IL2RB: variants seen among roughly 807,000 people sequenced by gnomAD.
IL2RB encodes interleukin-2 receptor subunit beta.
In IL2RB, 17 loss-of-function variants were observed where a neutral mutation model predicts 44.2. That is an observed-to-expected ratio of 0.38 (90% CI 0.26 to 0.58). IL2RB has a LOEUF of 0.58. IL2RB is among the 20% of genes least tolerant of loss of function. The pLI, the probability that IL2RB is intolerant of heterozygous loss-of-function variation, is 0.63. For missense variants in IL2RB, 624 were observed against 685.5 expected (o/e 0.91, Z 1.00); for synonymous variants, 286 against 297.9 (o/e 0.96, Z 0.41).
rs148216537 is a variant in IL2RB, at chr22:37,170,817, A to G, written c.-34+4141T>C. 2.7e-3 allele frequency among the ~76,000 whole-genome samples: 412 copies of G among 152,332 alleles called. 2 individuals carry two copies. The highest frequency in any genetic ancestry group is 9.5e-3 in the African/African-American group (395 of 41,562). ...TCTCCAAAGAGATGAAGCAATCTCA[A>G]AGATAAACATGAAGCAAATCCAAAG... On this transcript the variant is annotated intron_variant, in intron 1 of 5. Coordinates refer to the IL2RB transcript ENST00000429622.
chr22:37,165,378 C>T (rs1923031730), intron 1 of IL2RB, among the ~76,000 whole-genome samples: 1 of 152,202 alleles, frequency 6.6e-6, no homozygotes, highest in South Asian at 2.1e-4. Context: ...CGTGGCCTCT[C>T]CAGGGAGAGT....
At chr22:37,133,476 A>C (rs1921530248) in intron 8 of IL2RB, among the ~76,000 whole-genome samples, 1 of 152,214 alleles carries the variant, frequency 6.6e-6, no homozygotes, top group African/African-American at 2.4e-5. Flanking sequence ...TCCTGGCATC[A>C]GTTAAAAGGC....
chr22:37,129,797 G>C (rs1921331123), intron 9 of IL2RB, among the ~76,000 whole-genome samples: 1 of 152,210 alleles, frequency 6.6e-6, no homozygotes, highest in South Asian at 2.1e-4. Context: ...TGTGGCAGGG[G>C]CCTCGGGTGG....
chr22:37,141,978 G>A lies in IL2RB; in HGVS notation c.282+456C>T, dbSNP rs1467775031. On this transcript the variant is annotated intron_variant, in intron 4 of 9. Coordinates refer to ENST00000216223, the MANE Select transcript of IL2RB (RefSeq NM_000878.5). The surrounding 1 kb of genome is among the most constrained non-coding windows in gnomAD (Gnocchi z 4.4). Reference sequence around the variant, plus strand: ...CCCATTTTACAGAAGGGGAGACTGGGGCACAGGGGTTGCCCAATGTCACCC... The same window carrying A: ...CCCATTTTACAGAAGGGGAGACTGGAGCACAGGGGTTGCCCAATGTCACCC... 1.3e-5 allele frequency among the ~76,000 whole-genome samples: 2 copies of A among 152,120 alleles called. No homozygotes were observed. The highest frequency in any genetic ancestry group is 2.9e-5 in the Non-Finnish European group (2 of 68,000).
At chr22:37,161,302 G>A (rs1034203266) in intron 1 of IL2RB, among the ~76,000 whole-genome samples, 13 of 152,198 alleles carry the variant, frequency 8.5e-5, no homozygotes, top group Admixed American at 2.6e-4. Context: ...ATTGACAAAG[G>A]GACCCTCTGC....
rs1395758647 is a variant in IL2RB, at chr22:37,128,797, C to T, written c.955G>A (p.Ala319Thr). Residue 319 changes from alanine to threonine, a missense_variant, in exon 10 of 10, where the codon GCA (alanine) becomes ACA (threonine). By Grantham distance (58) the Ala-to-Thr change is moderately conservative. Coordinates refer to ENST00000216223, the MANE Select transcript of IL2RB (RefSeq NM_000878.5). This position sits in a 1 kb window ranked among gnomAD's most constrained non-coding sequence, Gnocchi z 4.5. ...ACTTCTAGTGGCGAGATCTCAGGTG[C>T]CAGGCCGCCAGGGCTGAAGGACGAT... ...PSSSFSPGGL[A>T]PEISPLEVLE... 1.2e-6 allele frequency: 2 copies of T among 1,612,950 alleles called. No individual in the cohort carries two copies. The highest frequency in any genetic ancestry group is 1.7e-6 in the Non-Finnish European group (2 of 1,179,074).
At position 37,128,643 on chromosome 22, in the gene IL2RB, G is replaced by T. The variant is rs148074427; in HGVS notation, c.1109C>A (p.Pro370Gln). ...GCAGGCCTCTATCTCCAAGGCATCC[G>T]GGAGGTGGAAGAAGAAGTAACCCTG... ...TNQGYFFFHLPDALEIEACQV... is the reference protein window; with the variant it reads ...TNQGYFFFHLQDALEIEACQV... The change falls in exon 10 of 10, where the codon CCG becomes CAG. Residue 370 changes from proline to glutamine, a missense_variant. Pro to Gln is a moderately conservative substitution (Grantham distance 76). Coordinates refer to ENST00000216223, the MANE Select transcript of IL2RB (RefSeq NM_000878.5). This position sits in a 1 kb window ranked among gnomAD's most constrained non-coding sequence, Gnocchi z 4.5. 1.9e-6 allele frequency: 3 copies of T among 1,614,000 alleles called. No homozygotes were observed. The highest frequency in any genetic ancestry group is 1.7e-5 in the Admixed American group (1 of 60,002).
rs1921090000 is a variant in IL2RB, at chr22:37,125,938, T to C, written c.*2158A>G. The C allele has an allele frequency of 6.6e-6, 1 of 152,240 alleles. No homozygotes were observed. Among genetic ancestry groups the C allele is most frequent in the African/African-American group, 2.4e-5 (1 of 41,460 alleles). 9.4% of individuals were successfully genotyped at this position (152,240 alleles called of 1,614,324 possible). On this transcript the variant is annotated 3_prime_UTR_variant, in exon 10 of 10. Transcript: ENST00000216223. ...ACAAAGATTTTTCTTTAAATAAATG[T>C]ATTTCAACGAAAATGAACTGACTTA... is the stretch of plus-strand genomic sequence containing the variant.
chr22:37,168,628 C>T (rs1923158110), intron 1 of IL2RB, among the ~76,000 whole-genome samples: 1 of 152,238 alleles, frequency 6.6e-6, no homozygotes, highest in Non-Finnish European at 1.5e-5. Flanking sequence ...ACCCACAGTT[C>T]CTGGCATGCA....
chr22:37,142,392 A>G (rs1294017076), intron 4 of IL2RB, 42 bp downstream of exon 4: 1 of 1,573,848 alleles, frequency 6.4e-7, no homozygotes, highest in Non-Finnish European at 8.7e-7. Flanking sequence ...GAGCTGGGAG[A>G]CCACCCTCTC....
chr22:37,136,475 CA>C (rs1377558978), intron 6 of IL2RB, 82 bp from the exon 7 acceptor site: 5 of 1,415,832 alleles, frequency 3.5e-6, no homozygotes, highest in African/African-American at 2.9e-5. Flanking sequence ...AACCCCCCCC[CA>C]ACCCCTGCCA....
At chr22:37,150,011 C>T (rs1922412550), upstream of IL2RB, 5 of 684,732 alleles carry the variant, frequency 7.3e-6, no homozygotes, top group African/African-American at 2.0e-5. Flanking sequence ...GGCGGGGAGA[C>T]GAGGCTTATG....
At chr22:37,170,424 G>A (rs1436005344) in intron 1 of IL2RB, among the ~76,000 whole-genome samples, 2 of 76,314 alleles carry the variant, frequency 2.6e-5, no homozygotes, top group Admixed American at 1.3e-4. Flanking sequence ...AGCTAGGCCA[G>A]CAGCGGGGGC....
At chr22:37,161,180 A>G (rs1431888722) in intron 1 of IL2RB, among the ~76,000 whole-genome samples, 3 of 152,188 alleles carry the variant, frequency 2.0e-5, no homozygotes, top group Non-Finnish European at 4.4e-5. Flanking sequence ...CCTCCCATTT[A>G]AAATACTCGC....
At position 37,137,669 on chromosome 22, in the gene IL2RB, C is replaced by A; in HGVS notation, c.455G>T (p.Trp152Leu). Residue 152 changes from tryptophan (W) to leucine (L), a missense_variant, in exon 6 of 10, where the codon TGG becomes TTG. This residue lies in a region of IL2RB where 255 missense variants were observed against 339.9 expected (regional missense o/e 0.75). Coordinates refer to ENST00000216223, the MANE Select transcript of IL2RB (RefSeq NM_000878.5). Reference protein sequence around the residue: ...HVETHRCNISWEISQASHYFE... With the variant: ...HVETHRCNISLEISQASHYFE... ...GTAGTGGGAGGCTTGGGAGATTTCC[C>A]AGCTTATGTTGCATCTGTGGGTCTC... 1.2e-6 allele frequency: 2 copies of A among 1,614,094 alleles called. No individual in the cohort carries two copies. The highest frequency in any genetic ancestry group is 1.7e-6 in the Non-Finnish European group (2 of 1,179,962).
intron 1 of IL2RB, among the ~76,000 whole-genome samples, chr22:37,166,082 T>C (rs531091948): frequency 7.9e-5 from 12 of 152,318 alleles, no homozygotes; most frequent in African/African-American, 2.6e-4. Context: ...GCTCAGCTGA[T>C]AGCTGGGCCA....
chr22:37,140,876 C>A (rs529779119), intron 4 of IL2RB, among the ~76,000 whole-genome samples: 2 of 152,218 alleles, frequency 1.3e-5, no homozygotes, highest in South Asian at 4.1e-4. Context: ...GGCTGTGTGA[C>A]CTTGGGCAGA....
At chr22:37,156,675 G>A (rs958036394) in intron 1 of IL2RB, among the ~76,000 whole-genome samples, 3 of 152,226 alleles carry the variant, frequency 2.0e-5, no homozygotes, top group South Asian at 2.1e-4. Context: ...ACATCCCATT[G>A]GCTACGCCTG....
In IL2RB at chr22:37,128,902, C is replaced by A. The variant is rs1182278765; in HGVS notation, c.904-54G>T. On this transcript the variant is annotated intron_variant, in intron 9 of 9. Coordinates refer to ENST00000216223, the MANE Select transcript of IL2RB (RefSeq NM_000878.5). The surrounding 1 kb of genome is among the most constrained non-coding windows in gnomAD (Gnocchi z 4.5). ...AGTGGGGGCTTCCTTCACCCTCCAC[C>A]CCTTCCTCTGGACTCTCAACAGCTC... 1.3e-6 allele frequency: 2 copies of A among 1,542,668 alleles called. No individual in the cohort carries two copies. Among genetic ancestry groups the A allele is most frequent in the Admixed American group, 1.8e-5 (1 of 54,186 alleles).
Sources: gnomAD v4.1 joint callset for allele counts (sites outside exome capture counted in the v4.1 genomes callset) on GRCh38, gnomAD v4.1.1 for gene constraint, gnomAD v4.1.1 regional missense constraint, Gnocchi (gnomAD v3.1) non-coding constraint, MANE v1.5 for transcripts, NCBI Gene and HGNC (gene_info 2026-07-23, HGNC 2026-07-21) for gene names.